The following GCSAML variants were observed in gnomAD, a reference collection of about 807,000 sequenced individuals.
GCSAML encodes the protein germinal center-associated signaling and motility-like protein.
In GCSAML, 9 loss-of-function variants were observed where a neutral mutation model predicts 13.0. That is an observed-to-expected ratio of 0.69 (90% CI 0.42 to 1.21). The LOEUF is 1.21. Among genes scored for constraint, GCSAML ranks in the 50% most tolerant of loss-of-function variants. GCSAML has a pLI of 0.00. For missense variants in GCSAML, 143 were observed against 153.4 expected, an observed-to-expected ratio of 0.93 and a Z score of 0.36; for synonymous variants, 37 against 52.9, an observed-to-expected ratio of 0.70 and a Z score of 1.31.
chr1:247,551,659 G>A (rs1223861167), intron 1 of GCSAML, among the ~76,000 whole-genome samples: 1 of 152,186 alleles, frequency 6.6e-6, no homozygotes, highest in Admixed American at 6.5e-5. Flanking sequence ...CTGAGAAAAG[G>A]CAGATTAATA....
chr1:247,566,783 T>G (rs1420288781), intron 4 of GCSAML, among the ~76,000 whole-genome samples: 1 of 152,152 alleles, frequency 6.6e-6, no homozygotes, highest in East Asian at 1.9e-4. Flanking sequence ...TAGTATATAT[T>G]AATGTTTTTA....
chr1:247,518,902 T>C (rs1456239754), intron 1 of GCSAML, among the ~76,000 whole-genome samples: 1 of 151,870 alleles, frequency 6.6e-6, no homozygotes, highest in Non-Finnish European at 1.5e-5. Context: ...AGCGGGAGGA[T>C]CGCTTGAGAC....
chr1:247,538,828 G>C, intron 2 of GCSAML: 1 of 448,972 alleles, frequency 2.2e-6, no homozygotes, highest in South Asian at 1.6e-5. Flanking sequence ...CCACCACCCA[G>C]TTTGTGGTGT....
At position 247,558,961 on chromosome 1, in the gene GCSAML, T is replaced by C. The variant is rs545443894; in HGVS notation, c.89+2495T>C. 7.0e-4 allele frequency among the ~76,000 whole-genome samples: 106 copies of C among 152,362 alleles called. 1 individual carries two copies. The highest frequency in any genetic ancestry group is 8.5e-4 in the Non-Finnish European group (58 of 68,026). ...TTATAGATTTTATTAAAGTCTTCTT[T>C]GTCCTATATGTTAACTTTGAGACAA... On this transcript the variant is annotated intron_variant, in intron 2 of 4. Coordinates refer to ENST00000366488, the MANE Select transcript of GCSAML (RefSeq NM_145278.5).
Position 247,575,682 on chromosome 1 carries a change from CA to C in GCSAML, c.*1301del, listed in dbSNP as rs1668810231. The stretch of plus-strand genomic sequence containing the variant: ...TCAATTTTTTCAATTTTCTAGCCAA[CA>C]GAGAATCGAAGGATTCTGTTCAAAT... On this transcript the variant is annotated 3_prime_UTR_variant, in exon 5 of 5. Transcript: ENST00000366488. The C allele has an allele frequency of 6.6e-6, 1 of 152,110 alleles. No homozygotes were observed. The highest frequency in any genetic ancestry group is 1.5e-5 in the Non-Finnish European group (1 of 68,018). The allele number at this position is 152,110 out of a possible 1,614,324, so 9.4% of individuals were successfully genotyped here.
intron 3 of GCSAML, 113 bp from the exon 4 acceptor site, chr1:247,565,818 A>G: frequency 1.3e-6 from 1 of 757,266 alleles, no homozygotes. Context: ...AGGCCTCTGC[A>G]GTTTTATGAC....
At chr1:247,551,032 G>A (rs550254733) in intron 1 of GCSAML, among the ~76,000 whole-genome samples, 1 of 152,294 alleles carries the variant, frequency 6.6e-6, no homozygotes, top group Non-Finnish European at 1.5e-5. Flanking sequence ...GGTTGCCTTT[G>A]CTATAAAATT....
chr1:247,546,521 G>C (rs1360520894), upstream of GCSAML, among the ~76,000 whole-genome samples: 1 of 151,906 alleles, frequency 6.6e-6, no homozygotes, highest in African/African-American at 2.4e-5. Context: ...ACCACGCCTG[G>C]CTCATTTTTT....
rs533352814 is a variant in GCSAML at position 247,549,270 on chromosome 1, A to T, written c.29+50A>T. Reference sequence around the variant, plus strand: ...CTTTCTTGGGAGAAAGAGAACAGAGATAAGGAGGCTGGACATAACGCATTT... The same window carrying T: ...CTTTCTTGGGAGAAAGAGAACAGAGTTAAGGAGGCTGGACATAACGCATTT... On this transcript the variant is annotated intron_variant, in intron 1 of 4. Coordinates refer to ENST00000366488, the MANE Select transcript of GCSAML (RefSeq NM_145278.5). 16 of 1,513,788 alleles carry T rather than the reference A, an allele frequency of 1.1e-5. No individual in the cohort carries two copies. In the South Asian group the frequency reaches 1.6e-4, roughly 15 times the overall value. 93.8% of individuals were successfully genotyped at this position (1,513,788 alleles called of 1,614,324 possible).
At chr1:247,556,542 T>C in intron 2 of GCSAML, 76 bp downstream of exon 2, 4 of 1,046,870 alleles carry the variant, frequency 3.8e-6, no homozygotes. Context: ...CCAGAGTCTC[T>C]GCCCCACTAG....
chr1:247,551,805 T>C (rs1348692011), intron 1 of GCSAML, among the ~76,000 whole-genome samples: 2 of 152,206 alleles, frequency 1.3e-5, no homozygotes, highest in African/African-American at 4.8e-5. Flanking sequence ...GGAAATATGA[T>C]TGGACAAAAA....
chr1:247,512,016 G>A (rs1272058236), intron 1 of GCSAML, among the ~76,000 whole-genome samples: 4 of 152,114 alleles, frequency 2.6e-5, no homozygotes, highest in African/African-American at 7.2e-5. Flanking sequence ...GTATCTTAAC[G>A]GTGTTCTCTG....
At chr1:247,516,046 A>T (rs1666198998) in intron 1 of GCSAML, among the ~76,000 whole-genome samples, 1 of 152,194 alleles carries the variant, frequency 6.6e-6, no homozygotes, top group Non-Finnish European at 1.5e-5. Flanking sequence ...GTGGACAGCA[A>T]AAATGGCAGA....
At chr1:247,560,255 C>G (rs1301564195) in intron 2 of GCSAML, among the ~76,000 whole-genome samples, 1 of 152,198 alleles carries the variant, frequency 6.6e-6, no homozygotes, top group Non-Finnish European at 1.5e-5. Context: ...TACATAACTT[C>G]ACATTTTACA....
intron 1 of GCSAML, among the ~76,000 whole-genome samples, chr1:247,510,338 G>C (rs1461616692): frequency 2.0e-5 from 3 of 152,146 alleles, no homozygotes; most frequent in African/African-American, 7.2e-5. Context: ...ATTTCTGTGG[G>C]ATCAGTGGTG....
rs564334399 is a variant in GCSAML at position 247,524,061 on chromosome 1, A to G, written c.-262-2879A>G. 6.6e-5 allele frequency among the ~76,000 whole-genome samples: 10 copies of G among 152,082 alleles called. No individual in the cohort carries two copies. In the Middle Eastern group the frequency reaches 0.01, roughly 155 times the overall value. On this transcript the variant is annotated intron_variant, in intron 1 of 5. Coordinates refer to the GCSAML transcript ENST00000366489. ...GATGCAGTGAATTGAAAACCTAAAC[A>G]TAAAATAGAAAACCATAAAACGAGA...
At position 247,522,286 on chromosome 1, in the gene GCSAML, G is replaced by A. The variant is rs1260554953; in HGVS notation, c.-262-4654G>A. Among the ~76,000 whole-genome samples, 93 of 133,926 alleles carry A rather than the reference G, an allele frequency of 6.9e-4. 2 individuals carry two copies. Among genetic ancestry groups the A allele is most frequent in the African/African-American group, 2.6e-3 (87 of 33,094 alleles). 87.9% of individuals were successfully genotyped at this position (133,926 alleles called of 152,430 possible). On this transcript the variant is annotated intron_variant, in intron 1 of 5. Transcript: ENST00000366489. ...CCCCACCCGGCTAGCCGCCCTGTCC[G>A]GGAGGGAGGTGGGGGGCGCCTCCAC...
At chr1:247,522,251 G>T (rs1249930093) in intron 1 of GCSAML, among the ~76,000 whole-genome samples, 1 of 122,166 alleles carries the variant, frequency 8.2e-6, no homozygotes, top group Non-Finnish European at 1.8e-5. Flanking sequence ...GGAGGGAGGT[G>T]GGGGGCAGCC....
chr1:247,558,764 C>T (rs566414147), intron 2 of GCSAML, among the ~76,000 whole-genome samples: 2 of 152,218 alleles, frequency 1.3e-5, no homozygotes, highest in East Asian at 3.9e-4. Context: ...TAATATTTTA[C>T]CTGTATCCTA....
Sources: allele counts gnomAD v4.1 joint callset (sites outside exome capture counted in the v4.1 genomes callset), GRCh38; gene constraint gnomAD v4.1.1; transcripts MANE v1.5; gene names NCBI Gene and HGNC (gene_info 2026-07-23, HGNC 2026-07-21).